LY86: variants seen among roughly 807,000 people sequenced by gnomAD.
LY86 encodes the protein MD-1, RP105-associated.
In LY86, 20 loss-of-function variants were observed where a neutral mutation model predicts 17.3. The observed-to-expected ratio is 1.15, with a 90% CI of 0.81 to 1.68. The LOEUF (loss-of-function observed/expected upper bound fraction) is 1.68, where lower values mean the gene tolerates loss of function less well. Ranked by LOEUF, LY86 falls within the 40% of genes most tolerant of loss-of-function variation. The pLI, the probability that LY86 is intolerant of heterozygous loss-of-function variation, is 0.00. For synonymous variants in LY86, 74 were observed against 70.6 expected (o/e 1.05, Z -0.24); for missense variants, 200 against 191.9 (o/e 1.04, Z -0.25).
chr6:6,604,838 G>GA (rs5874043), intron 1 of LY86, among the ~76,000 whole-genome samples: 129,729 of 146,642 alleles, frequency 0.88, 57,317 homozygotes, highest in Middle Eastern at 0.96. Flanking sequence ...ACCACCAAAG[G>GA]AAAAAAAAAA....
intron 1 of LY86, among the ~76,000 whole-genome samples, chr6:6,615,855 T>C (rs565623934): frequency 1.3e-4 from 20 of 151,936 alleles, no homozygotes; most frequent in African/African-American, 4.6e-4. Context: ...AACCAGACCC[T>C]ATCTCAAAAA....
intron 1 of LY86, among the ~76,000 whole-genome samples, chr6:6,607,793 G>A (rs955053480): frequency 5.9e-5 from 9 of 151,872 alleles, no homozygotes; most frequent in African/African-American, 1.5e-4. Context: ...CCAGCTACTC[G>A]GGAGGTTGAG....
intron 3 of LY86, among the ~76,000 whole-genome samples, chr6:6,637,764 A>G (rs1457971462): frequency 1.3e-5 from 2 of 152,122 alleles, no homozygotes; most frequent in Non-Finnish European, 1.5e-5. Context: ...TTCCAGTCGC[A>G]TTACTCTTTC....
At chr6:6,614,269 A>C (rs560615468) in intron 1 of LY86, among the ~76,000 whole-genome samples, 2 of 152,174 alleles carry the variant, frequency 1.3e-5, no homozygotes, top group Non-Finnish European at 2.9e-5. Context: ...TGCCTTACAA[A>C]CACAGACCGC....
Position 6,609,847 on chromosome 6 carries a change from TA to T in LY86, c.137-15066del, listed in dbSNP as rs1301777289. On this transcript the variant is annotated intron_variant, in intron 1 of 4. Coordinates refer to ENST00000230568, the MANE Select transcript of LY86 (RefSeq NM_004271.4). The stretch of plus-strand genomic sequence containing the variant: ...TAATTATTGTGTGTCCATTAAAATT[TA>T]AAAAAAAAAAAAGAATTCGTGCTTG... 3.9e-3 allele frequency among the ~76,000 whole-genome samples: 569 copies of T among 144,832 alleles called. 1 individual carries two copies. Among genetic ancestry groups the T allele is most frequent in the Middle Eastern group, 0.014 (4 of 288 alleles).
intron 4 of LY86, among the ~76,000 whole-genome samples, chr6:6,650,388 G>A (rs189949873): frequency 6.7e-6 from 1 of 148,914 alleles, no homozygotes; most frequent in Non-Finnish European, 1.5e-5. Flanking sequence ...AGGCTGGAGT[G>A]CAGGGGCATG....
chr6:6,640,377 G>GAGAAACCCCATCTCTGGA (rs1762021906), intron 3 of LY86, among the ~76,000 whole-genome samples: 1 of 151,092 alleles, frequency 6.6e-6, no homozygotes, highest in Non-Finnish European at 1.5e-5. Context: ...GGGCAACATA[G>GAGAAACCCCATCTCTGGA]AGAAACCCCA....
chr6:6,605,859 C>G (rs115133103), intron 1 of LY86, among the ~76,000 whole-genome samples: 89 of 151,648 alleles, frequency 5.9e-4, no homozygotes, highest in African/African-American at 1.8e-3. Flanking sequence ...CTTAAGGGGG[C>G]ATCTGGAGCT....
chr6:6,588,943 A>C, intron 1 of LY86, 73 bp downstream of exon 1: 1 of 1,460,138 alleles, frequency 6.8e-7, no homozygotes, highest in Non-Finnish European at 9.2e-7. Flanking sequence ...GCTAGTGCTC[A>C]GTTGGAGTTG....
At chr6:6,613,420 T>C (rs9392814) in intron 1 of LY86, among the ~76,000 whole-genome samples, 43,678 of 152,046 alleles carry the variant, frequency 0.29, 6,686 homozygotes, top group East Asian at 0.5. Context: ...GGGCTGCAGG[T>C]CCTGAGCCCT....
At chr6:6,629,203 T>G (rs997886948) in intron 3 of LY86, among the ~76,000 whole-genome samples, 1 of 152,210 alleles carries the variant, frequency 6.6e-6, no homozygotes, top group Non-Finnish European at 1.5e-5. Context: ...AAACTTCATA[T>G]AGTGTAAAAT....
chr6:6,654,461 TA>T, intron 4 of LY86, 82 bp from the exon 5 acceptor site: 1 of 1,065,336 alleles, frequency 9.4e-7, no homozygotes, highest in Non-Finnish European at 1.4e-6. Flanking sequence ...ACCCAGCACA[TA>T]AAAGTTTCTC....
chr6:6,601,738 AAG>A (rs1250136134), intron 1 of LY86, among the ~76,000 whole-genome samples: 5 of 152,064 alleles, frequency 3.3e-5, no homozygotes, highest in Non-Finnish European at 4.4e-5. Context: ...AAGAAAAAAA[AAG>A]AAATATACAA....
intron 2 of LY86, among the ~76,000 whole-genome samples, chr6:6,625,968 T>G (rs964289807): frequency 1.3e-5 from 2 of 152,178 alleles, no homozygotes; most frequent in African/African-American, 4.8e-5. Context: ...AATGATACTA[T>G]GCAACTGAGA....
chr6:6,654,752 C>A lies in LY86; in HGVS notation c.*125C>A, dbSNP rs1433248421. ...GAGAGGCTCTACAAAGAAGCGCCCC[C>A]AAAGAGTGCAGCTGCTAATTTTAGT... On this transcript the variant is annotated 3_prime_UTR_variant, in exon 5 of 5. Coordinates refer to ENST00000230568, the MANE Select transcript of LY86 (RefSeq NM_004271.4). 5 of 739,670 alleles carry A rather than the reference C, an allele frequency of 6.8e-6. No individual in the cohort carries two copies. In the African/African-American group the frequency reaches 7.1e-5, roughly 10 times the overall value. The allele number at this position is 739,670 out of a possible 1,614,324, so 45.8% of individuals were successfully genotyped here. A position where few individuals can be genotyped will look rare whatever the true frequency, so the allele number is the denominator to read the frequency against.
At chr6:6,609,567 C>T (rs1761280660) in intron 1 of LY86, among the ~76,000 whole-genome samples, 1 of 152,216 alleles carries the variant, frequency 6.6e-6, no homozygotes, top group Non-Finnish European at 1.5e-5. Flanking sequence ...CAGGTGGCCA[C>T]ATTCAGAAGC....
chr6:6,654,129 G>A (rs1762226549), intron 4 of LY86, among the ~76,000 whole-genome samples: 1 of 150,374 alleles, frequency 6.7e-6, no homozygotes, highest in Non-Finnish European at 1.5e-5. Flanking sequence ...GCCTCCTTCT[G>A]CCCCTCTAAG....
At chr6:6,595,787 G>T (rs1760694500) in intron 1 of LY86, among the ~76,000 whole-genome samples, 2 of 152,194 alleles carry the variant, frequency 1.3e-5, no homozygotes, top group Admixed American at 1.3e-4. Flanking sequence ...TGCACAGGAG[G>T]CATGCTAATT....
intron 1 of LY86, among the ~76,000 whole-genome samples, chr6:6,617,950 C>T (rs1761592690): frequency 6.6e-6 from 1 of 152,202 alleles, no homozygotes; most frequent in Non-Finnish European, 1.5e-5. Context: ...AAGCGGTTCT[C>T]CTGCCTCAGC....
Sources: gnomAD v4.1 joint callset for allele counts (sites outside exome capture counted in the v4.1 genomes callset) on GRCh38, gnomAD v4.1.1 for gene constraint, MANE v1.5 for transcripts, NCBI Gene and HGNC (gene_info 2026-07-23, HGNC 2026-07-21) for gene names.